The following NT5DC2 variants were observed in gnomAD, a reference collection of about 807,000 sequenced individuals.
The protein encoded by NT5DC2 is 5'-nucleotidase domain-containing protein 2.
A neutral mutation model predicts 70.0 loss-of-function variants in NT5DC2; 41 were observed. That is an observed-to-expected ratio of 0.59 (90% confidence interval 0.46 to 0.76). The LOEUF is 0.76. Ranked by LOEUF, NT5DC2 falls within the 30% of genes least tolerant of loss-of-function variation. NT5DC2 has a pLI of 0.00. For synonymous variants in NT5DC2, 299 were observed against 310.4 expected, an observed-to-expected ratio of 0.96 and a Z score of 0.39; for missense variants, 705 against 783.2, an observed-to-expected ratio of 0.90 and a Z score of 1.19.
At chr3:52,525,182 A>G in intron 11 of NT5DC2, 27 bp downstream of exon 11, 1 of 1,588,242 alleles carries the variant, frequency 6.3e-7, no homozygotes, top group Non-Finnish European at 8.6e-7. Flanking sequence ...GCCCTCCCCC[A>G]CTGCAGCCCA....
intron 1 of NT5DC2, among the ~76,000 whole-genome samples, chr3:52,532,891 G>A (rs900579769): frequency 2.0e-5 from 3 of 152,096 alleles, no homozygotes; most frequent in African/African-American, 7.2e-5. Context: ...GCCTCCTCAC[G>A]CCATTTCTCA....
At chr3:52,530,593 C>T (rs890659558) in intron 1 of NT5DC2, among the ~76,000 whole-genome samples, 4 of 152,138 alleles carry the variant, frequency 2.6e-5, no homozygotes, top group Non-Finnish European at 5.9e-5. Context: ...CACACACCTA[C>T]AGTCCCTGCT....
At position 52,533,698 on chromosome 3, in the gene NT5DC2, G is replaced by A; in HGVS notation, c.40C>T (p.Leu14=). 9.6e-7 allele frequency: 1 copy of A among 1,045,756 alleles called. No homozygotes were observed. Among genetic ancestry groups the A allele is most frequent in the Non-Finnish European group, 1.1e-6 (1 of 870,804 alleles). 64.8% of individuals were successfully genotyped at this position (1,045,756 alleles called of 1,614,324 possible). ...GGCCCGCCGTGGCCTCCGCACAGCA[G>A]CCAGCGCCGAGCGGCCGCCCGCAGC... ...AGLRAAARRW[L]LCGGHGGPRA... The change falls in exon 1 of 14, where the codon CTG becomes TTG. Residue 14 remains leucine, a synonymous_variant. Transcript: ENST00000422318.
At chr3:52,534,572 A>G, upstream of NT5DC2, 3 of 1,613,696 alleles carry the variant, frequency 1.9e-6, no homozygotes, top group Non-Finnish European at 2.5e-6. Context: ...CCCTCGTGAG[A>G]TGCTGTGGTC....
Position 52,528,951 on chromosome 3 carries a change from G to T in NT5DC2, c.418-16C>A. On this transcript the variant is annotated splice_polypyrimidine_tract_variant and intron_variant, in intron 2 of 13. Coordinates refer to ENST00000422318, the MANE Select transcript of NT5DC2 (RefSeq NM_001134231.2). ...CTTCTGGGTACTGCCGGGGGAAAGGGGCCAGGCCTAAGCCAATAGCCCTGC... is the reference window on the plus strand; with the variant it reads ...CTTCTGGGTACTGCCGGGGGAAAGGTGCCAGGCCTAAGCCAATAGCCCTGC... 1 of 1,613,818 alleles carries T rather than the reference G, an allele frequency of 6.2e-7. No homozygotes were observed.
In NT5DC2 at chr3:52,528,459, C is replaced by A; in HGVS notation, c.629G>T (p.Gly210Val). The A allele has an allele frequency of 6.2e-7, 1 of 1,613,728 alleles. No homozygotes were observed. Among genetic ancestry groups the A allele is most frequent in the African/African-American group, 1.3e-5 (1 of 75,048 alleles). ...TQHIPLYQMS[G>V]FYGKGPSIKQ... ...GGTATGGAGTACCTTGCCATAGAAG[C>A]CACTCATCTGGTATAGTGGGATGTG... Residue 210 changes from glycine (G) to valine (V), a missense_variant, in exon 5 of 14, where the codon GGC becomes GTC. Physicochemically the swap from Gly to Val is moderately radical, Grantham distance 109. Transcript: ENST00000422318.
rs146690743 is a variant in NT5DC2 at position 52,525,003 on chromosome 3, G to A, written c.1307C>T (p.Thr436Met). The change falls in exon 12 of 14, where the codon ACG becomes ATG. Residue 436 changes from threonine to methionine, a missense_variant. Coordinates refer to ENST00000422318, the MANE Select transcript of NT5DC2 (RefSeq NM_001134231.2). ...CAGCCCCGTGAGCGCCTGCTGCCAC[G>A]TCAGCGAGTGCATGTACTGCTCCGT... Reference protein sequence around the residue: ...INTEQYMHSLTWQQALTGLLE... With the variant: ...INTEQYMHSLMWQQALTGLLE... The A allele has an allele frequency of 3.7e-6, 6 of 1,610,872 alleles. No individual in the cohort carries two copies. The highest frequency in any genetic ancestry group is 1.1e-5 in the South Asian group (1 of 90,802).
In NT5DC2 at chr3:52,524,418, G is replaced by T. The variant is rs985181733; in HGVS notation, c.*52C>A. 3.1e-6 allele frequency: 5 copies of T among 1,612,016 alleles called. No homozygotes were observed. In the African/African-American group the frequency reaches 6.7e-5, roughly 22 times the overall value. On this transcript the variant is annotated 3_prime_UTR_variant, in exon 14 of 14. Transcript: ENST00000422318. ...GGAGACCACTTTTATTGCTTGTCTG[G>T]GTGGATGGGGCAGGAGGGGCTGAGG...
At chr3:52,534,815 T>C, upstream of NT5DC2, 1 of 824,518 alleles carries the variant, frequency 1.2e-6, no homozygotes, top group East Asian at 2.5e-5. Flanking sequence ...TGTGTGTACA[T>C]TCGAAACTCC....
intron 1 of NT5DC2, chr3:52,532,065 G>T: frequency 2.2e-6 from 1 of 454,006 alleles, no homozygotes; most frequent in Non-Finnish European, 2.9e-6. Flanking sequence ...GGGGCTGGGG[G>T]ACTGAGGGAC....
chr3:52,534,555 C>A (rs149178183), upstream of NT5DC2: 1,117 of 1,613,564 alleles, frequency 6.9e-4, 8 homozygotes, highest in African/African-American at 0.014. Context: ...GGTTTCCCGG[C>A]GCACGCCCCT....
chr3:52,534,171 C>T (rs2079400373), upstream of NT5DC2: 2 of 326,224 alleles, frequency 6.1e-6, no homozygotes, highest in Non-Finnish European at 1.2e-5. Context: ...CCCCCGGGTC[C>T]TCTGCCGCCC....
intron 10 of NT5DC2, 117 bp downstream of exon 10, chr3:52,527,177 A>T: frequency 1.1e-6 from 1 of 922,600 alleles, no homozygotes; most frequent in Non-Finnish European, 1.7e-6. Context: ...TGCCTGTGTG[A>T]GGCTGCTCAG....
intron 1 of NT5DC2, among the ~76,000 whole-genome samples, chr3:52,530,565 C>A (rs1295829206): frequency 2.6e-5 from 4 of 152,114 alleles, no homozygotes; most frequent in African/African-American, 4.8e-5. Flanking sequence ...AAAAATTGTA[C>A]CAAGTGGGGC....
At chr3:52,533,431 G>A in intron 1 of NT5DC2, 75 bp downstream of exon 1, 5 of 1,395,924 alleles carry the variant, frequency 3.6e-6, no homozygotes, top group Non-Finnish European at 3.8e-6. Flanking sequence ...CGGAGGAGCG[G>A]CACCCTGGGG....
intron 1 of NT5DC2, chr3:52,532,093 G>T: frequency 1.3e-6 from 1 of 761,682 alleles, no homozygotes; most frequent in Non-Finnish European, 1.6e-6. Flanking sequence ...ACTGCTCTCA[G>T]CCCGTGGGCA....
At chr3:52,528,819 G>A (rs1434562112) in intron 3 of NT5DC2, 42 bp downstream of exon 3, 2 of 1,606,148 alleles carry the variant, frequency 1.2e-6, no homozygotes, top group Non-Finnish European at 1.7e-6. Flanking sequence ...CATACCAAGA[G>A]GAGGCCAAGG....
At chr3:52,526,880 C>CA (rs2079282753) in intron 10 of NT5DC2, among the ~76,000 whole-genome samples, 1 of 152,206 alleles carries the variant, frequency 6.6e-6, no homozygotes, top group African/African-American at 2.4e-5. Context: ...AGGCTGGTCT[C>CA]AAACTCCTGA....
intron 9 of NT5DC2, 28 bp downstream of exon 9, chr3:52,527,589 G>A (rs764598528): frequency 6.2e-7 from 1 of 1,608,684 alleles, no homozygotes; most frequent in Non-Finnish European, 8.5e-7. Flanking sequence ...CCCCTTCCCT[G>A]GCCCTGCAAC....
Sources: allele counts gnomAD v4.1 joint callset (sites outside exome capture counted in the v4.1 genomes callset), GRCh38; gene constraint gnomAD v4.1.1; transcripts MANE v1.5; gene names NCBI Gene and HGNC (gene_info 2026-07-23, HGNC 2026-07-21).